Variants in TSPAN18 observed in about 807,000 individuals in gnomAD.
The protein encoded by TSPAN18 is tetraspanin 18.
A neutral mutation model predicts 27.3 loss-of-function variants in TSPAN18; 14 were observed. The observed-to-expected ratio is 0.51, with a 90% CI of 0.34 to 0.80. TSPAN18 has a LOEUF of 0.80. Among genes scored for constraint, TSPAN18 ranks in the 30% least tolerant of loss-of-function variants. TSPAN18 has a pLI of 0.01. For missense variants in TSPAN18, 268 were observed against 323.9 expected (o/e 0.83, Z 1.32); for synonymous variants, 143 against 136.5 (o/e 1.05, Z -0.33).
chr11:44,739,522 G>A lies in TSPAN18; in HGVS notation c.-240+12235G>A, dbSNP rs192376120. On this transcript the variant is annotated intron_variant, in intron 1 of 9. Transcript: ENST00000520358. ...GCCTGTAATCCCAGCTACTCAGGAG[G>A]CTGAGGCAGGAGAATCACTTGAACC... Among the ~76,000 whole-genome samples the A allele has an allele frequency of 2.5e-3, 379 of 152,268 alleles. 5 individuals carry two copies. Among genetic ancestry groups the A allele is most frequent in the South Asian group, 0.012 (58 of 4,824 alleles).
At chr11:44,751,565 A>C (rs1235122294) in intron 1 of TSPAN18, among the ~76,000 whole-genome samples, 1 of 152,160 alleles carries the variant, frequency 6.6e-6, no homozygotes, top group Non-Finnish European at 1.5e-5. Flanking sequence ...GCATCTTAGA[A>C]GGGAGTGCGA....
chr11:44,911,035 T>C (rs963163825), intron 5 of TSPAN18, among the ~76,000 whole-genome samples: 2 of 152,240 alleles, frequency 1.3e-5, no homozygotes, highest in Non-Finnish European at 2.9e-5. Context: ...GTGGTGGCGC[T>C]TGGGGCCTCC....
At chr11:44,727,908 C>G (rs1050937914) in intron 1 of TSPAN18, among the ~76,000 whole-genome samples, 1 of 152,002 alleles carries the variant, frequency 6.6e-6, no homozygotes, top group Non-Finnish European at 1.5e-5. Flanking sequence ...GGCTCGGGCA[C>G]GTCCAGATTT....
chr11:44,851,482 C>T (rs1186819694), intron 2 of TSPAN18, among the ~76,000 whole-genome samples: 1 of 152,150 alleles, frequency 6.6e-6, no homozygotes, highest in East Asian at 1.9e-4. Flanking sequence ...GGAGAGTGGA[C>T]TTCAGAGTTC....
rs753493396 is a variant in TSPAN18 at position 44,909,909 on chromosome 11, C to T, written c.258+10C>T. On this transcript the variant is annotated intron_variant, in intron 5 of 9. Coordinates refer to ENST00000520358, the MANE Select transcript of TSPAN18 (RefSeq NM_130783.5). Reference sequence around the variant, plus strand: ...GTGTCTGCTGCTATTTGTGAGTACCCCAGCCCCCACCCCATCCATGGGTGC... The same window carrying T: ...GTGTCTGCTGCTATTTGTGAGTACCTCAGCCCCCACCCCATCCATGGGTGC... 6.2e-7 allele frequency: 1 copy of T among 1,604,780 alleles called. No individual in the cohort carries two copies.
intron 5 of TSPAN18, among the ~76,000 whole-genome samples, chr11:44,910,142 G>A (rs1379065825): frequency 6.6e-6 from 1 of 152,220 alleles, no homozygotes; most frequent in East Asian, 1.9e-4. Context: ...GGCAGCAGAG[G>A]GGATGATACA....
intron 2 of TSPAN18, among the ~76,000 whole-genome samples, chr11:44,779,139 C>A (rs1855880366): frequency 6.6e-6 from 1 of 151,996 alleles, no homozygotes; most frequent in African/African-American, 2.4e-5. Flanking sequence ...CCCTTTTTGG[C>A]AAGGGAGAGG....
chr11:44,772,228 C>T (rs941378220), intron 2 of TSPAN18, among the ~76,000 whole-genome samples: 3 of 152,070 alleles, frequency 2.0e-5, no homozygotes, highest in African/African-American at 7.2e-5. Flanking sequence ...AATGTTTGAC[C>T]CAAATTATCC....
At chr11:44,817,089 G>C (rs2135112413) in intron 2 of TSPAN18, among the ~76,000 whole-genome samples, 1 of 152,274 alleles carries the variant, frequency 6.6e-6, no homozygotes, top group Middle Eastern at 3.4e-3. Context: ...AGCAGGGTTG[G>C]GGGCCTGCTT....
chr11:44,872,070 C>G (rs540461678), intron 3 of TSPAN18, among the ~76,000 whole-genome samples: 2 of 152,088 alleles, frequency 1.3e-5, no homozygotes, highest in South Asian at 4.2e-4. Flanking sequence ...ATTACAGGCA[C>G]CCACCACCAC....
At chr11:44,756,427 C>T (rs1022416166) in intron 1 of TSPAN18, among the ~76,000 whole-genome samples, 1 of 151,638 alleles carries the variant, frequency 6.6e-6, no homozygotes, top group African/African-American at 2.4e-5. Flanking sequence ...TAAAATTTAC[C>T]ATCTCGGCCA....
chr11:44,856,390 C>T (rs1004460481), intron 2 of TSPAN18, among the ~76,000 whole-genome samples: 1 of 152,142 alleles, frequency 6.6e-6, no homozygotes. Flanking sequence ...CTTGAATACC[C>T]GCCCACATGT....
At chr11:44,884,608 C>T (rs1264832351) in intron 3 of TSPAN18, among the ~76,000 whole-genome samples, 1 of 152,214 alleles carries the variant, frequency 6.6e-6, no homozygotes, top group Non-Finnish European at 1.5e-5. Context: ...CAGAGCTCTC[C>T]CTGCAGAGGT....
chr11:44,906,547 C>T (rs1859459239), intron 4 of TSPAN18, 68 bp downstream of exon 4: 1 of 1,432,504 alleles, frequency 7.0e-7, no homozygotes, highest in Admixed American at 1.7e-5. Flanking sequence ...TTGAAATAGT[C>T]ACACTGGGCT....
At chr11:44,770,966 G>A (rs1230837494) in intron 2 of TSPAN18, among the ~76,000 whole-genome samples, 1 of 152,140 alleles carries the variant, frequency 6.6e-6, no homozygotes, top group Non-Finnish European at 1.5e-5. Context: ...ATTTTAAGTT[G>A]AGATGCTTAT....
intron 3 of TSPAN18, among the ~76,000 whole-genome samples, chr11:44,905,215 T>C (rs950472282): frequency 2.0e-5 from 3 of 152,168 alleles, no homozygotes; most frequent in East Asian, 1.9e-4. Context: ...AAGAAGAAGA[T>C]AGAGTACAGC....
Position 44,919,300 on chromosome 11 carries a change from G to A in TSPAN18, c.420G>A (p.Ser140=), listed in dbSNP as rs150747267. 6.8e-6 allele frequency: 11 copies of A among 1,613,748 alleles called. No individual in the cohort carries two copies. The highest frequency in any genetic ancestry group is 1.1e-5 in the South Asian group (1 of 91,076). The change falls in exon 7 of 10, where the codon TCG becomes TCA. Residue 140 remains serine, a synonymous_variant. Transcript: ENST00000520358. ...DTDVFSATWN[S]VMITFGCCGV... ...ACGTCTTCTCTGCCACCTGGAACTC[G>A]GTCATGATCACAGTGAGTGACGCCC... is the stretch of plus-strand genomic sequence containing the variant.
At chr11:44,862,948 C>T (rs931546389) in intron 3 of TSPAN18, among the ~76,000 whole-genome samples, 8 of 152,070 alleles carry the variant, frequency 5.3e-5, no homozygotes, top group African/African-American at 1.7e-4. Flanking sequence ...GGAGTGTGCA[C>T]CTGTTAATAA....
rs559160897 is a variant in TSPAN18 at position 44,921,032 on chromosome 11, C to T, written c.615+1033C>T. On this transcript the variant is annotated intron_variant, in intron 8 of 9. Transcript: ENST00000520358. Reference sequence around the variant, plus strand: ...AGAGGCCTGGGTCCTGGGGCTCTGGCGGGCCCTTTCCAGCCTCAGCTCTGC... The same window carrying T: ...AGAGGCCTGGGTCCTGGGGCTCTGGTGGGCCCTTTCCAGCCTCAGCTCTGC... 2.2e-3 allele frequency among the ~76,000 whole-genome samples: 335 copies of T among 152,266 alleles called. 1 individual carries two copies. Among genetic ancestry groups the T allele is most frequent in the Non-Finnish European group, 4.2e-3 (283 of 68,004 alleles).
Sources: gnomAD v4.1 joint callset for allele counts (sites outside exome capture counted in the v4.1 genomes callset) on GRCh38, gnomAD v4.1.1 for gene constraint, MANE v1.5 for transcripts, NCBI Gene and HGNC (gene_info 2026-07-23, HGNC 2026-07-21) for gene names.